The following FAM8A1 variants were observed in gnomAD, a reference collection of about 807,000 sequenced individuals.
FAM8A1 encodes protein FAM8A1.
A neutral mutation model predicts 38.3 loss-of-function variants in FAM8A1; 18 were observed. The observed-to-expected ratio is 0.47, with a 90% CI of 0.33 to 0.70. The LOEUF (loss-of-function observed/expected upper bound fraction) is 0.70. Ranked by LOEUF, FAM8A1 falls within the 30% of genes least tolerant of loss-of-function variation. The pLI is 0.03. For missense variants in FAM8A1, 559 were observed against 559.6 expected (o/e 1.00, Z 0.01); for synonymous variants, 246 against 234.4 (o/e 1.05, Z -0.45).
At chr6:17,603,199 T>G (rs1764009547) in intron 2 of FAM8A1, among the ~76,000 whole-genome samples, 1 of 152,252 alleles carries the variant, frequency 6.6e-6, no homozygotes, top group Non-Finnish European at 1.5e-5. Flanking sequence ...TCCTTCCAGA[T>G]TAACAATAAT....
chr6:17,605,604 C>T (rs1445469618), intron 3 of FAM8A1, among the ~76,000 whole-genome samples: 1 of 152,044 alleles, frequency 6.6e-6, no homozygotes, highest in Non-Finnish European at 1.5e-5. Context: ...CAAAAATATA[C>T]TTGTAAATTG....
Position 17,605,040 on chromosome 6 carries a change from G to T in FAM8A1, c.957+11G>T. 1.3e-6 allele frequency: 2 copies of T among 1,596,562 alleles called. No homozygotes were observed. Among genetic ancestry groups the T allele is most frequent in the South Asian group, 2.3e-5 (2 of 88,574 alleles). On this transcript the variant is annotated intron_variant, in intron 3 of 4. Transcript: ENST00000259963. ...GTTTGTTTCTATGAGGTAAGCTACT[G>T]ACTTCAGCAAGAATTAATATTTAAC...
rs1764100220 is a variant in FAM8A1 at position 17,609,159 on chromosome 6, T to C, written c.*820T>C. Reference sequence around the variant, plus strand: ...GTTTTCAGTGCCCTGAATCAAACTATAAATGTGGGGAGAAATCACCTCCAT... The same window carrying C: ...GTTTTCAGTGCCCTGAATCAAACTACAAATGTGGGGAGAAATCACCTCCAT... On this transcript the variant is annotated 3_prime_UTR_variant, in exon 5 of 5. Coordinates refer to ENST00000259963, the MANE Select transcript of FAM8A1 (RefSeq NM_016255.3). 1 of 152,126 alleles carries C rather than the reference T, an allele frequency of 6.6e-6. No individual in the cohort carries two copies. The allele number at this position is 152,126 out of a possible 1,614,324, so 9.4% of individuals were successfully genotyped here. A position where few individuals can be genotyped will look rare whatever the true frequency, so the allele number is the denominator to read the frequency against.
In FAM8A1 at chr6:17,606,536, C is replaced by T. The variant is rs535086019; in HGVS notation, c.1097+523C>T. ...ATTTTATGAATTATAAGTCACAATA[C>T]GAGAGGATGATTTGGGTGTTGATGG... On this transcript the variant is annotated intron_variant, in intron 4 of 4. Transcript: ENST00000259963. 2.5e-4 allele frequency among the ~76,000 whole-genome samples: 38 copies of T among 152,180 alleles called. No individual in the cohort carries two copies. In the South Asian group the frequency reaches 7.7e-3, roughly 31 times the overall value.
At position 17,608,183 on chromosome 6, in the gene FAM8A1, T is replaced by A. The variant is rs1764082729; in HGVS notation, c.1098-12T>A. On this transcript the variant is annotated splice_polypyrimidine_tract_variant and intron_variant, in intron 4 of 4. Coordinates refer to ENST00000259963, the MANE Select transcript of FAM8A1 (RefSeq NM_016255.3). ...GTGTAACTTACCTGATATTTTTGTT[T>A]TAACTTTTTAGGTCCACTATCCGAG... 3 of 1,612,814 alleles carry A rather than the reference T, an allele frequency of 1.9e-6. No individual in the cohort carries two copies. The African/African-American group carries it at 4.0e-5, about 22-fold the overall frequency.
At chr6:17,602,256 C>G (rs751697906) in intron 1 of FAM8A1, among the ~76,000 whole-genome samples, 1 of 152,228 alleles carries the variant, frequency 6.6e-6, no homozygotes, top group Non-Finnish European at 1.5e-5. Context: ...AGACTGGTCT[C>G]GAACTCCTGG....
In FAM8A1 at chr6:17,609,799, ATT is replaced by A. The variant is rs1324559171; in HGVS notation, c.*1462_*1463del. On this transcript the variant is annotated 3_prime_UTR_variant, in exon 5 of 5. Coordinates refer to ENST00000259963, the MANE Select transcript of FAM8A1 (RefSeq NM_016255.3). The stretch of plus-strand genomic sequence containing the variant: ...ATCTAGGTGGTGTTCTTGGTCTTAA[ATT>A]TAACAGCAAACACAGCACATATCTA... The A allele has an allele frequency of 6.6e-6, 1 of 152,214 alleles. No homozygotes were observed. The highest frequency in any genetic ancestry group is 1.5e-5 in the Non-Finnish European group (1 of 68,012). 9.4% of individuals were successfully genotyped at this position (152,214 alleles called of 1,614,324 possible). A position where few individuals can be genotyped will look rare whatever the true frequency, so the allele number is the denominator to read the frequency against.
At chr6:17,603,927 C>T (rs533807661) in intron 2 of FAM8A1, among the ~76,000 whole-genome samples, 2 of 151,836 alleles carry the variant, frequency 1.3e-5, no homozygotes, top group South Asian at 2.1e-4. Flanking sequence ...CGATTACTGT[C>T]GTCTCTTGCT....
chr6:17,604,763 G>C (rs184349796), intron 2 of FAM8A1, 143 bp from the exon 3 acceptor site: 2 of 604,506 alleles, frequency 3.3e-6, no homozygotes, highest in Non-Finnish European at 2.8e-6. Context: ...ACTAATGAAT[G>C]CTTTATGATA....
rs1764115002 is a variant in FAM8A1, at chr6:17,609,913, G to A, written c.*1574G>A. ...TCACATTTGATTATAGAAACTTAAT[G>A]TCTATTAATAATTTTAGTACAAAAT... On this transcript the variant is annotated 3_prime_UTR_variant, in exon 5 of 5. Coordinates refer to ENST00000259963, the MANE Select transcript of FAM8A1 (RefSeq NM_016255.3). The A allele has an allele frequency of 1.3e-5, 2 of 152,040 alleles. No individual in the cohort carries two copies. The highest frequency in any genetic ancestry group is 2.1e-4 in the South Asian group (1 of 4,832). The allele number at this position is 152,040 out of a possible 1,614,324, so 9.4% of individuals were successfully genotyped here. A position where few individuals can be genotyped will look rare whatever the true frequency, so the allele number is the denominator to read the frequency against.
At chr6:17,607,429 A>T (rs1249936724) in intron 4 of FAM8A1, among the ~76,000 whole-genome samples, 1 of 124,424 alleles carries the variant, frequency 8.0e-6, no homozygotes, top group Non-Finnish European at 1.8e-5. Flanking sequence ...GAGACTATTG[A>T]TCTATATCTA....
Position 17,608,975 on chromosome 6 carries a change from AC to A in FAM8A1, c.*637del, listed in dbSNP as rs1373380892. The A allele has an allele frequency of 2.0e-5, 3 of 152,296 alleles. No individual in the cohort carries two copies. Among genetic ancestry groups the A allele is most frequent in the Admixed American group, 6.5e-5 (1 of 15,304 alleles). The allele number at this position is 152,296 out of a possible 1,614,324, so 9.4% of individuals were successfully genotyped here. On this transcript the variant is annotated 3_prime_UTR_variant, in exon 5 of 5. Coordinates refer to ENST00000259963, the MANE Select transcript of FAM8A1 (RefSeq NM_016255.3). ...CTTTACAACTATTCTTAATGCTTGA[AC>A]ATGTATTTAGGGGCAAGTTTCTCAT...
chr6:17,603,717 A>G (rs1457873088), intron 2 of FAM8A1, among the ~76,000 whole-genome samples: 1 of 151,920 alleles, frequency 6.6e-6, no homozygotes, highest in African/African-American at 2.4e-5. Flanking sequence ...AGCTGGGACC[A>G]CAGGCATGCT....
At chr6:17,604,804 A>T in intron 2 of FAM8A1, 102 bp from the exon 3 acceptor site, 1 of 900,998 alleles carries the variant, frequency 1.1e-6, no homozygotes, top group Non-Finnish European at 1.6e-6. Context: ...AGATTAGTTT[A>T]GAATTTCAAT....
chr6:17,602,655 CTCT>C lies in FAM8A1; in HGVS notation c.783_785del (p.Phe262del). ...GGCAGAGATGGTGGATTTCTTTATT[CTCT>C]TCTTTATAAAAGCAACCATTGTCTT... is the stretch of plus-strand genomic sequence containing the variant. On this transcript the variant is annotated inframe_deletion, in exon 2 of 5. Coordinates refer to ENST00000259963, the MANE Select transcript of FAM8A1 (RefSeq NM_016255.3). 1 of 1,612,458 alleles carries C rather than the reference CTCT, an allele frequency of 6.2e-7. No homozygotes were observed. Among genetic ancestry groups the C allele is most frequent in the Non-Finnish European group, 8.5e-7 (1 of 1,179,558 alleles).
chr6:17,605,418 G>C (rs10456801), intron 3 of FAM8A1, among the ~76,000 whole-genome samples: 33,920 of 152,084 alleles, frequency 0.22, 4,489 homozygotes, highest in Non-Finnish European at 0.29. Flanking sequence ...AGACGAAAAA[G>C]TAATCGAAAT....
intron 2 of FAM8A1, among the ~76,000 whole-genome samples, chr6:17,603,609 GCT>G (rs888296667): frequency 2.0e-5 from 3 of 152,082 alleles, no homozygotes; most frequent in African/African-American, 7.2e-5. Context: ...ACAGAGTCTT[GCT>G]CTGTCACCCA....
At chr6:17,603,010 T>C (rs1764007717) in intron 2 of FAM8A1, among the ~76,000 whole-genome samples, 1 of 152,256 alleles carries the variant, frequency 6.6e-6, no homozygotes, top group African/African-American at 2.4e-5. Context: ...GGCCAGGAAC[T>C]AATTTACCTC....
rs1259773056 is a variant in FAM8A1 at position 17,610,829 on chromosome 6, A to C, written c.*2490A>C. The stretch of plus-strand genomic sequence containing the variant: ...CTGTTTCAATGAGCATGTCCCTAAG[A>C]TAAACCAGAATTGGCAGTTAATTTA... On this transcript the variant is annotated 3_prime_UTR_variant, in exon 5 of 5. Coordinates refer to ENST00000259963, the MANE Select transcript of FAM8A1 (RefSeq NM_016255.3). The C allele has an allele frequency of 6.6e-6, 1 of 152,176 alleles. No individual in the cohort carries two copies. Among genetic ancestry groups the C allele is most frequent in the African/African-American group, 2.4e-5 (1 of 41,448 alleles). 9.4% of individuals were successfully genotyped at this position (152,176 alleles called of 1,614,324 possible). A position where few individuals can be genotyped will look rare whatever the true frequency, so the allele number is the denominator to read the frequency against.
Sources: gnomAD v4.1 joint callset for allele counts (sites outside exome capture counted in the v4.1 genomes callset) on GRCh38, gnomAD v4.1.1 for gene constraint, MANE v1.5 for transcripts, NCBI Gene and HGNC (gene_info 2026-07-23, HGNC 2026-07-21) for gene names.